The following PGBD2 variants were observed in gnomAD, a reference collection of about 807,000 sequenced individuals.
PGBD2 encodes the protein piggyBac transposable element derived 2, also known as piggyBac transposable element-derived protein 2.
PGBD2 carries 6 observed loss-of-function variants against 8.1 expected under a neutral mutation model. The observed-to-expected ratio is 0.74, with a 90% CI of 0.40 to 1.46. The LOEUF (loss-of-function observed/expected upper bound fraction) is 1.46, where lower values mean the gene tolerates loss of function less well. Among genes scored for constraint, PGBD2 ranks in the 40% most tolerant of loss-of-function variants. The pLI is 0.02. For synonymous variants in PGBD2, 318 were observed against 272.2 expected (o/e 1.17, Z -1.66); for missense variants, 802 against 739.0 (o/e 1.09, Z -0.99).
chr1:248,907,869 A>G (rs1461706135), intron 1 of PGBD2, among the ~76,000 whole-genome samples: 1 of 152,214 alleles, frequency 6.6e-6, no homozygotes, highest in Non-Finnish European at 1.5e-5. Context: ...CTTTCTACAT[A>G]GACACAGTAG....
the PGBD2 span, among the ~76,000 whole-genome samples, chr1:248,926,707 G>A: frequency 2.6e-5 from 4 of 152,132 alleles, no homozygotes; most frequent in Non-Finnish European, 5.9e-5. Context: ...TCCCAGGGTC[G>A]CACAGCTACT....
At chr1:248,921,012 T>G (rs1327660490), downstream of PGBD2, among the ~76,000 whole-genome samples, 1 of 152,174 alleles carries the variant, frequency 6.6e-6, no homozygotes, top group Middle Eastern at 3.2e-3. Flanking sequence ...GTAAATTTGT[T>G]TAAGTTCTTT....
At chr1:248,886,410 C>G in the PGBD2 span, among the ~76,000 whole-genome samples, 1 of 152,114 alleles carries the variant, frequency 6.6e-6, no homozygotes, top group East Asian at 1.9e-4. Flanking sequence ...TGATTTAGTA[C>G]AAGAGATTAA....
intron 2 of PGBD2, chr1:248,914,615 G>T: frequency 7.8e-7 from 1 of 1,287,370 alleles, no homozygotes; most frequent in South Asian, 1.2e-5. Flanking sequence ...TGGGATGGAG[G>T]GTCCTCACGT....
chr1:248,922,877 T>G (rs1662315126), downstream of PGBD2, among the ~76,000 whole-genome samples: 1 of 152,168 alleles, frequency 6.6e-6, no homozygotes, highest in Non-Finnish European at 1.5e-5. Context: ...TGTTGAGGAT[T>G]TTTGCGTTGA....
At chr1:248,926,642 A>G in the PGBD2 span, among the ~76,000 whole-genome samples, 3 of 152,164 alleles carry the variant, frequency 2.0e-5, no homozygotes, top group African/African-American at 7.2e-5. Flanking sequence ...ACAAACCACA[A>G]CTCTCTTCTC....
At chr1:248,911,102 G>A (rs1661854202) in intron 1 of PGBD2, among the ~76,000 whole-genome samples, 1 of 151,320 alleles carries the variant, frequency 6.6e-6, no homozygotes, top group African/African-American at 2.4e-5. Context: ...ACATTTTCTA[G>A]GGTTTTCTTT....
chr1:248,911,078 C>T (rs1261613145), intron 1 of PGBD2, among the ~76,000 whole-genome samples: 1 of 151,872 alleles, frequency 6.6e-6, no homozygotes, highest in Non-Finnish European at 1.5e-5. Flanking sequence ...TTTTCTGTTA[C>T]TATAGGTTAG....
upstream of PGBD2, among the ~76,000 whole-genome samples, chr1:248,904,485 T>C (rs1372789129): frequency 1.3e-5 from 2 of 152,202 alleles, no homozygotes; most frequent in Non-Finnish European, 2.9e-5. Flanking sequence ...CATATGCAAG[T>C]ATCCAAATTG....
chr1:248,914,103 C>T (rs145257052), intron 2 of PGBD2, among the ~76,000 whole-genome samples: 248 of 152,250 alleles, frequency 1.6e-3, no homozygotes, highest in East Asian at 0.011. Context: ...TGTTTACACT[C>T]GATAGAAAAC....
downstream of PGBD2, among the ~76,000 whole-genome samples, chr1:248,924,940 T>C (rs1209927165): frequency 5.3e-5 from 8 of 152,042 alleles, no homozygotes; most frequent in Admixed American, 2.0e-4. Context: ...GGAGCAAATG[T>C]GACTATAAAA....
chr1:248,913,412 ATTTTT>A (rs879338937), intron 1 of PGBD2, among the ~76,000 whole-genome samples: 3 of 152,052 alleles, frequency 2.0e-5, no homozygotes, highest in Non-Finnish European at 4.4e-5. Context: ...TAGGTAGTTC[ATTTTT>A]TTAAACTTCT....
the PGBD2 span, among the ~76,000 whole-genome samples, chr1:248,895,854 A>C: frequency 6.6e-6 from 1 of 151,546 alleles, no homozygotes; most frequent in Non-Finnish European, 1.5e-5. Context: ...CGCCCAGCTA[A>C]TTTTTGTATT....
At chr1:248,872,940 CCTTA>C in the PGBD2 span, among the ~76,000 whole-genome samples, 5 of 152,186 alleles carry the variant, frequency 3.3e-5, no homozygotes, top group Non-Finnish European at 7.3e-5. Flanking sequence ...TTTAGTGAGG[CCTTA>C]CTTAACTGCA....
chr1:248,914,638 C>T (rs1385711949), intron 2 of PGBD2: 1 of 1,271,234 alleles, frequency 7.9e-7, no homozygotes, highest in African/African-American at 1.5e-5. Context: ...AGGTTGGGGC[C>T]TGCAAAGGGG....
chr1:248,874,392 T>C, the PGBD2 span, among the ~76,000 whole-genome samples: 2 of 152,162 alleles, frequency 1.3e-5, no homozygotes, highest in Admixed American at 1.3e-4. Context: ...ATGACTTGAC[T>C]TCTAAACAAA....
chr1:248,924,224 G>C (rs1478856953), downstream of PGBD2, among the ~76,000 whole-genome samples: 3 of 152,242 alleles, frequency 2.0e-5, no homozygotes, highest in African/African-American at 7.2e-5. Flanking sequence ...GTGTGAAGTT[G>C]ATGGAGTTCT....
At chr1:248,908,686 T>G (rs1661752466) in intron 1 of PGBD2, among the ~76,000 whole-genome samples, 1 of 148,216 alleles carries the variant, frequency 6.7e-6, no homozygotes, top group Non-Finnish European at 1.5e-5. Context: ...CTTCCTGTAT[T>G]TTTTTTTTTT....
upstream of PGBD2, among the ~76,000 whole-genome samples, chr1:248,902,429 C>G (rs906595230): frequency 5.3e-5 from 8 of 152,166 alleles, no homozygotes; most frequent in African/African-American, 1.9e-4. Flanking sequence ...TTGTGAAAGA[C>G]AGTGTGGTGA....
Sources: allele counts gnomAD v4.1 joint callset (sites outside exome capture counted in the v4.1 genomes callset), GRCh38; gene constraint gnomAD v4.1.1; transcripts MANE v1.5; gene names NCBI Gene and HGNC (gene_info 2026-07-23, HGNC 2026-07-21).